CAPZB: variants seen among roughly 807,000 people sequenced by gnomAD.
The protein encoded by CAPZB is F-actin-capping protein subunit beta.
Under a neutral mutation model 38.1 loss-of-function variants are expected in CAPZB, and 2 were observed. The ratio of observed to expected loss-of-function variants is 0.05; its 90% confidence interval spans 0.02 to 0.17. CAPZB has a LOEUF of 0.17. Ranked by LOEUF, CAPZB falls within the 10% of genes least tolerant of loss-of-function variation. CAPZB has a pLI of 1.00. For missense variants in CAPZB, 161 were observed against 334.2 expected (o/e 0.48, Z 4.04); for synonymous variants, 107 against 127.4 (o/e 0.84, Z 1.08).
At chr1:19,358,225 C>A (rs796568047) in intron 4 of CAPZB, among the ~76,000 whole-genome samples, 13 of 152,336 alleles carry the variant, frequency 8.5e-5, no homozygotes, top group African/African-American at 3.1e-4. Flanking sequence ...GCAACCTCCG[C>A]CTCCCAGGTT....
chr1:19,435,519 C>T (rs1007322769), intron 1 of CAPZB, among the ~76,000 whole-genome samples: 3 of 152,348 alleles, frequency 2.0e-5, no homozygotes, highest in Middle Eastern at 3.4e-3. Flanking sequence ...ACAACTTTCA[C>T]TAAGCAGGTA....
intron 2 of CAPZB, among the ~76,000 whole-genome samples, chr1:19,409,838 T>C (rs899148443): frequency 2.0e-5 from 3 of 152,254 alleles, no homozygotes; most frequent in Non-Finnish European, 4.4e-5. Flanking sequence ...ATTTCGGCAC[T>C]GGCTTATGCA....
rs190145567 is a variant in CAPZB, at chr1:19,348,642, C to T, written c.589-3390G>A. On this transcript the variant is annotated intron_variant, in intron 6 of 8. Coordinates refer to ENST00000264202, the MANE Select transcript of CAPZB (RefSeq NM_004930.5). ...GGGACCGAGCAGTGAGAGAACATCA[C>T]GGCTCACTGGGCTGGACTCGGTCTG... 2.5e-3 allele frequency among the ~76,000 whole-genome samples: 375 copies of T among 152,012 alleles called. 1 individual carries two copies. The highest frequency in any genetic ancestry group is 8.5e-3 in the African/African-American group (354 of 41,438).
chr1:19,351,277 G>A (rs1183164848), intron 6 of CAPZB, among the ~76,000 whole-genome samples: 4 of 151,096 alleles, frequency 2.6e-5, no homozygotes, highest in Non-Finnish European at 2.9e-5. Context: ...CACTGCACCC[G>A]ATCTTTCCAT....
At chr1:19,399,531 G>T (rs2094291649) in intron 2 of CAPZB, among the ~76,000 whole-genome samples, 1 of 152,134 alleles carries the variant, frequency 6.6e-6, no homozygotes, top group Non-Finnish European at 1.5e-5. Context: ...CTTGCCACTG[G>T]CCTGGAAGTC....
chr1:19,463,908 G>A (rs1037597262), intron 1 of CAPZB, among the ~76,000 whole-genome samples: 1 of 151,960 alleles, frequency 6.6e-6, no homozygotes, highest in Non-Finnish European at 1.5e-5. Context: ...GGCCAGGCAC[G>A]GTGGCTTATG....
chr1:19,375,619 C>T (rs899947984), intron 4 of CAPZB, among the ~76,000 whole-genome samples: 1 of 152,234 alleles, frequency 6.6e-6, no homozygotes, highest in South Asian at 2.1e-4. Flanking sequence ...CTTTCAACTC[C>T]CCCGAGTCAG....
intron 1 of CAPZB, among the ~76,000 whole-genome samples, chr1:19,477,810 C>G (rs2094612078): frequency 6.6e-6 from 1 of 152,210 alleles, no homozygotes; most frequent in Non-Finnish European, 1.5e-5. Flanking sequence ...GCCTTGAACT[C>G]CTGGGCCCAA....
chr1:19,352,357 A>G lies in CAPZB; in HGVS notation c.588+4278T>C, dbSNP rs138075255. Among the ~76,000 whole-genome samples, 428 of 152,274 alleles carry G rather than the reference A, an allele frequency of 2.8e-3. 2 individuals carry two copies. Among genetic ancestry groups the G allele is most frequent in the Middle Eastern group, 6.8e-3 (2 of 294 alleles). On this transcript the variant is annotated intron_variant, in intron 6 of 8. Transcript: ENST00000264202. ...ATCTCCCCACTCAACAAAACATTCC[A>G]CCTTCATTTCTAAATATTTAGAAGC... is the stretch of plus-strand genomic sequence containing the variant.
chr1:19,484,392 G>C, intron 1 of CAPZB: 1 of 1,531,354 alleles, frequency 6.5e-7, no homozygotes. Context: ...CTCGCCCCTC[G>C]GCTCCCACTC....
chr1:19,476,227 G>GATAGACAGATAA (rs1237046140), intron 1 of CAPZB, among the ~76,000 whole-genome samples: 1 of 46,882 alleles, frequency 2.1e-5, no homozygotes, highest in African/African-American at 4.6e-5. Flanking sequence ...TAGATAGATA[G>GATAGACAGATAA]GCAGGCAGGC....
intron 1 of CAPZB, among the ~76,000 whole-genome samples, chr1:19,436,045 C>T (rs2094457198): frequency 6.6e-6 from 1 of 152,188 alleles, no homozygotes; most frequent in African/African-American, 2.4e-5. Context: ...TTCTGAGCCT[C>T]GAGTTCCCCC....
At chr1:19,363,260 A>ATTCT (rs1553270190) in intron 4 of CAPZB, among the ~76,000 whole-genome samples, 14 of 123,126 alleles carry the variant, frequency 1.1e-4, no homozygotes, top group Non-Finnish European at 2.3e-4. Context: ...TAAAAAAAAA[A>ATTCT]TTTTTTTTTT....
intron 2 of CAPZB, among the ~76,000 whole-genome samples, chr1:19,404,155 T>C (rs1232445918): frequency 6.9e-6 from 1 of 145,676 alleles, no homozygotes; most frequent in Non-Finnish European, 1.5e-5. Flanking sequence ...ATCGCTTGAA[T>C]TGGGCAGGCA....
At chr1:19,417,007 T>G (rs553871699) in intron 2 of CAPZB, among the ~76,000 whole-genome samples, 1 of 151,972 alleles carries the variant, frequency 6.6e-6, no homozygotes, top group South Asian at 2.1e-4. Context: ...TCAGAGGTGA[T>G]CTCTCTCATT....
chr1:19,457,342 T>G (rs897520954), intron 1 of CAPZB, among the ~76,000 whole-genome samples: 1 of 152,174 alleles, frequency 6.6e-6, no homozygotes, highest in Non-Finnish European at 1.5e-5. Context: ...AGGTCCGCAG[T>G]GCTCGCTTCC....
At position 19,356,898 on chromosome 1, in the gene CAPZB, G is replaced by C; in HGVS notation, c.472-147C>G. ...TAAATTGGAGACAAAGTCTCGCTCT[G>C]TCACCCAGGCTGGAGTGCAGTGGTG... is the stretch of plus-strand genomic sequence containing the variant. On this transcript the variant is annotated intron_variant, in intron 5 of 8. Transcript: ENST00000264202. The surrounding 1 kb of genome is among the most constrained non-coding windows in gnomAD (Gnocchi z 4.3). The C allele has an allele frequency of 1.6e-6, 1 of 635,632 alleles. No individual in the cohort carries two copies. The highest frequency in any genetic ancestry group is 2.8e-6 in the Non-Finnish European group (1 of 359,118). The allele number at this position is 635,632 out of a possible 1,614,324, so 39.4% of individuals were successfully genotyped here. A position where few individuals can be genotyped will look rare whatever the true frequency, so the allele number is the denominator to read the frequency against.
At chr1:19,421,148 C>T (rs1036044937) in intron 1 of CAPZB, among the ~76,000 whole-genome samples, 1 of 152,142 alleles carries the variant, frequency 6.6e-6, no homozygotes, top group African/African-American at 2.4e-5. Context: ...TTTGGAAGGC[C>T]TAAATCAACA....
chr1:19,416,226 AG>A (rs1362662474), intron 2 of CAPZB, among the ~76,000 whole-genome samples: 3 of 152,246 alleles, frequency 2.0e-5, no homozygotes, highest in Admixed American at 6.5e-5. Flanking sequence ...TTAACATTTT[AG>A]ATTACTAATG....
Sources: allele counts gnomAD v4.1 joint callset (sites outside exome capture counted in the v4.1 genomes callset), GRCh38; gene constraint gnomAD v4.1.1; non-coding constraint Gnocchi (gnomAD v3.1); transcripts MANE v1.5; gene names NCBI Gene and HGNC (gene_info 2026-07-23, HGNC 2026-07-21).